The following RANBP17 variants were observed in gnomAD, a reference collection of about 807,000 sequenced individuals.
RANBP17 encodes ran-binding protein 17.
RANBP17 carries 158 observed loss-of-function variants against 141.2 expected under a neutral mutation model. That is an observed-to-expected ratio of 1.12 (90% CI 0.98 to 1.28). The LOEUF (loss-of-function observed/expected upper bound fraction) is 1.28, where lower values mean the gene tolerates loss of function less well. RANBP17 is among the 50% of genes most tolerant of loss of function. The pLI is 0.00. For missense variants in RANBP17, 1,438 were observed against 1,290.7 expected (o/e 1.11, Z -1.75); for synonymous variants, 430 against 450.0 (o/e 0.96, Z 0.56).
intron 23 of RANBP17, among the ~76,000 whole-genome samples, chr5:171,241,732 G>C (rs867807873): frequency 3.2e-4 from 49 of 152,184 alleles, no homozygotes; most frequent in African/African-American, 1.2e-3. Flanking sequence ...CAACTGGTAT[G>C]GTTCCAAGAA....
chr5:170,948,563 T>C (rs1385260102), intron 12 of RANBP17, among the ~76,000 whole-genome samples: 3 of 152,176 alleles, frequency 2.0e-5, no homozygotes, highest in Non-Finnish European at 2.9e-5. Context: ...AAATTAAAGA[T>C]ATAAATAAAC....
In RANBP17 at chr5:171,069,889, G is replaced by T. The variant is rs187083370; in HGVS notation, c.1711-100241G>T. Among the ~76,000 whole-genome samples, 211 of 152,246 alleles carry T rather than the reference G, an allele frequency of 1.4e-3. 1 individual carries two copies. The highest frequency in any genetic ancestry group is 2.7e-3 in the Non-Finnish European group (182 of 68,008). On this transcript the variant is annotated intron_variant, in intron 14 of 27. Transcript: ENST00000523189. ...CAGAAAAGAGATTAAGCATAGGTAG[G>T]TTTGCTGTAGTGCTGTTGAAATCTA...
intron 13 of RANBP17, among the ~76,000 whole-genome samples, chr5:170,960,955 A>C (rs1246507213): frequency 1.3e-5 from 2 of 152,214 alleles, no homozygotes; most frequent in Non-Finnish European, 2.9e-5. Context: ...CGTGTTGGCC[A>C]GGATGATCTC....
chr5:171,023,291 G>A (rs1342724935), intron 14 of RANBP17, among the ~76,000 whole-genome samples: 2 of 152,176 alleles, frequency 1.3e-5, no homozygotes, highest in African/African-American at 4.8e-5. Context: ...CACTTCTAAT[G>A]TAAGACTTTT....
At chr5:171,014,264 C>A (rs2127594103) in intron 14 of RANBP17, among the ~76,000 whole-genome samples, 1 of 151,732 alleles carries the variant, frequency 6.6e-6, no homozygotes, top group Middle Eastern at 3.4e-3. Context: ...TTCTTTCTTT[C>A]TTTATCCTAG....
chr5:171,079,268 A>C (rs1785118780), intron 14 of RANBP17, among the ~76,000 whole-genome samples: 1 of 152,212 alleles, frequency 6.6e-6, no homozygotes. Context: ...CATGATAAAA[A>C]TCAAACAGAT....
chr5:171,275,213 C>T (rs1211017378), intron 25 of RANBP17, among the ~76,000 whole-genome samples: 1 of 152,172 alleles, frequency 6.6e-6, no homozygotes, highest in Non-Finnish European at 1.5e-5. Context: ...TCCTGTGCCT[C>T]AGCAGTGATT....
intron 1 of RANBP17, among the ~76,000 whole-genome samples, chr5:170,874,755 C>T (rs1236296477): frequency 1.3e-5 from 2 of 152,026 alleles, no homozygotes; most frequent in African/African-American, 4.8e-5. Context: ...GAATACAGTA[C>T]ACTGATGGGA....
chr5:171,221,842 T>A lies in RANBP17; in HGVS notation c.2422+2T>A. The A allele has an allele frequency of 6.5e-7, 1 of 1,547,426 alleles. No homozygotes were observed. The highest frequency in any genetic ancestry group is 8.9e-7 in the Non-Finnish European group (1 of 1,121,004). On this transcript the variant is annotated splice_donor_variant, in intron 22 of 27. Coordinates refer to ENST00000523189, the MANE Select transcript of RANBP17 (RefSeq NM_022897.5). LOFTEE classifies it high-confidence loss of function. ...CTAGTAAAATGGTTTGCACTTATGG[T>A]GAGTGTCCTTTTCCATATGTGCCTC...
intron 14 of RANBP17, among the ~76,000 whole-genome samples, chr5:171,118,958 T>G (rs1755830226): frequency 6.6e-6 from 1 of 152,186 alleles, no homozygotes; most frequent in African/African-American, 2.4e-5. Flanking sequence ...TTCAGTGCTA[T>G]GTTGAATAAG....
chr5:170,959,070 C>T (rs1434038355), intron 13 of RANBP17, among the ~76,000 whole-genome samples: 2 of 152,134 alleles, frequency 1.3e-5, no homozygotes, highest in African/African-American at 4.8e-5. Context: ...TAATGGAACA[C>T]TAGGCATAAA....
At chr5:170,934,755 A>C (rs538876455) in intron 12 of RANBP17, among the ~76,000 whole-genome samples, 2 of 152,034 alleles carry the variant, frequency 1.3e-5, no homozygotes, top group East Asian at 1.9e-4. Context: ...CTTCATTTCA[A>C]CTTTGGTGAA....
intron 15 of RANBP17, 58 bp downstream of exon 15, chr5:171,170,261 T>C (rs1014910025): frequency 1.1e-5 from 9 of 851,268 alleles, no homozygotes; most frequent in Non-Finnish European, 1.6e-5. Flanking sequence ...ATGTAATAGA[T>C]CTTTTTATTG....
At chr5:170,870,671 C>T (rs1251593156) in intron 1 of RANBP17, among the ~76,000 whole-genome samples, 1 of 152,154 alleles carries the variant, frequency 6.6e-6, no homozygotes, top group East Asian at 1.9e-4. Flanking sequence ...AATAGTGCTG[C>T]AGTAAACATA....
intron 3 of RANBP17, among the ~76,000 whole-genome samples, chr5:170,883,010 A>G (rs1768843206): frequency 6.6e-6 from 1 of 152,140 alleles, no homozygotes; most frequent in Non-Finnish European, 1.5e-5. Context: ...ATTGTATGTG[A>G]TGGATCTTTA....
chr5:171,099,547 A>G (rs1210704686), intron 14 of RANBP17, among the ~76,000 whole-genome samples: 4 of 152,166 alleles, frequency 2.6e-5, no homozygotes, highest in African/African-American at 9.7e-5. Context: ...GTCATCTGCA[A>G]ACAAAGATAA....
chr5:171,232,240 G>C (rs1319462142), intron 22 of RANBP17, among the ~76,000 whole-genome samples: 1 of 152,026 alleles, frequency 6.6e-6, no homozygotes, highest in Non-Finnish European at 1.5e-5. Context: ...ATTCAAAAAA[G>C]GTAGTGAATC....
intron 16 of RANBP17, among the ~76,000 whole-genome samples, chr5:171,178,412 G>A (rs905523249): frequency 1.3e-5 from 2 of 151,932 alleles, no homozygotes; most frequent in African/African-American, 4.8e-5. Flanking sequence ...TCTTTATCCG[G>A]TCTATCATTG....
At chr5:171,002,012 T>C (rs1779234931) in intron 14 of RANBP17, among the ~76,000 whole-genome samples, 1 of 151,930 alleles carries the variant, frequency 6.6e-6, no homozygotes, top group Non-Finnish European at 1.5e-5. Flanking sequence ...GTTTGACGTG[T>C]AGGGAAGGGA....
Sources: allele counts gnomAD v4.1 joint callset (sites outside exome capture counted in the v4.1 genomes callset), GRCh38; gene constraint gnomAD v4.1.1; transcripts MANE v1.5; gene names NCBI Gene and HGNC (gene_info 2026-07-23, HGNC 2026-07-21).